Variants in SDK1 observed in about 807,000 individuals in gnomAD.
SDK1 encodes the protein sidekick cell adhesion molecule 1.
A neutral mutation model predicts 245.5 loss-of-function variants in SDK1; 157 were observed. The ratio of observed to expected loss-of-function variants is 0.64; its 90% CI spans 0.56 to 0.73. The LOEUF is 0.73. SDK1 is among the 30% of genes least tolerant of loss of function. SDK1 has a pLI of 0.00. For synonymous variants in SDK1, 1,647 were observed against 1,278.5 expected (o/e 1.29, Z -6.15); for missense variants, 3,583 against 3,002.3 (o/e 1.19, Z -4.52).
intron 4 of SDK1, among the ~76,000 whole-genome samples, chr7:3,738,293 A>C (rs1251363993): frequency 2.0e-5 from 3 of 152,336 alleles, no homozygotes; most frequent in African/African-American, 7.2e-5. Flanking sequence ...AATGCCATTT[A>C]CTAGAGACTG....
chr7:3,578,263 A>G (rs1780364540), intron 1 of SDK1, among the ~76,000 whole-genome samples: 1 of 151,994 alleles, frequency 6.6e-6, no homozygotes, highest in South Asian at 2.1e-4. Flanking sequence ...TAAGGATTTC[A>G]TTAAGGATTT....
intron 1 of SDK1, among the ~76,000 whole-genome samples, chr7:3,343,989 C>T (rs1286247722): frequency 2.1e-5 from 3 of 142,980 alleles, no homozygotes; most frequent in Non-Finnish European, 4.5e-5. Flanking sequence ...TGTACAGACA[C>T]TAAACCATAG....
At chr7:4,066,548 G>C (rs1482868943) in intron 19 of SDK1, among the ~76,000 whole-genome samples, 2 of 152,202 alleles carry the variant, frequency 1.3e-5, no homozygotes, top group East Asian at 3.9e-4. Flanking sequence ...GAAGGCACAT[G>C]GCAGGGCTTG....
At chr7:3,617,546 C>G (rs981420576) in intron 1 of SDK1, among the ~76,000 whole-genome samples, 1 of 152,128 alleles carries the variant, frequency 6.6e-6, no homozygotes, top group East Asian at 1.9e-4. Flanking sequence ...CTGGGTGATT[C>G]AAAAATGATG....
intron 1 of SDK1, among the ~76,000 whole-genome samples, chr7:3,581,232 T>G (rs1250089917): frequency 6.6e-6 from 1 of 152,126 alleles, no homozygotes; most frequent in Non-Finnish European, 1.5e-5. Context: ...GTATATCCAG[T>G]GTCTATAAGG....
intron 44 of SDK1, among the ~76,000 whole-genome samples, chr7:4,251,870 G>A (rs918789715): frequency 6.6e-6 from 1 of 152,136 alleles, no homozygotes; most frequent in African/African-American, 2.4e-5. Context: ...CCTTTATCTG[G>A]TTGAGTTTGG....
chr7:4,135,742 T>C (rs1439825680), intron 28 of SDK1, among the ~76,000 whole-genome samples: 1 of 152,222 alleles, frequency 6.6e-6, no homozygotes, highest in African/African-American at 2.4e-5. Context: ...CTTAGAACAG[T>C]GCCTGCCACA....
intron 5 of SDK1, among the ~76,000 whole-genome samples, chr7:3,900,389 A>G (rs1320841683): frequency 6.6e-6 from 1 of 152,132 alleles, no homozygotes; most frequent in Non-Finnish European, 1.5e-5. Flanking sequence ...TTTAGGTTTT[A>G]TCTGGTTTTT....
At chr7:3,347,173 A>G (rs1369326724) in intron 1 of SDK1, among the ~76,000 whole-genome samples, 1 of 151,784 alleles carries the variant, frequency 6.6e-6, no homozygotes, top group Non-Finnish European at 1.5e-5. Context: ...GTGGAGTTGT[A>G]CTTGATGCCA....
intron 1 of SDK1, among the ~76,000 whole-genome samples, chr7:3,324,650 TC>T (rs1779897887): frequency 1.3e-5 from 2 of 152,316 alleles, no homozygotes; most frequent in East Asian, 3.9e-4. Context: ...GGTTTTGCAC[TC>T]AAAGCAAAAG....
At chr7:4,182,355 TC>T (rs1349423154) in intron 35 of SDK1, among the ~76,000 whole-genome samples, 1 of 152,150 alleles carries the variant, frequency 6.6e-6, no homozygotes, top group Non-Finnish European at 1.5e-5. Context: ...CTAATGCTGC[TC>T]CTCCCCATTA....
intron 1 of SDK1, among the ~76,000 whole-genome samples, chr7:3,388,341 A>C (rs1781660752): frequency 6.7e-6 from 1 of 150,328 alleles, no homozygotes; most frequent in African/African-American, 2.5e-5. Flanking sequence ...TATGTGATTG[A>C]AGATTAAAAA....
intron 5 of SDK1, among the ~76,000 whole-genome samples, chr7:3,875,043 G>A (rs151139832): frequency 9.9e-5 from 15 of 152,222 alleles, no homozygotes; most frequent in African/African-American, 3.6e-4. Context: ...CTTTATACAC[G>A]CTCACTAGCC....
intron 22 of SDK1, among the ~76,000 whole-genome samples, chr7:4,107,881 A>C (rs993824522): frequency 6.6e-6 from 1 of 152,112 alleles, no homozygotes; most frequent in Non-Finnish European, 1.5e-5. Context: ...AGCTGTGCCG[A>C]TGTGTGACAA....
intron 1 of SDK1, among the ~76,000 whole-genome samples, chr7:3,364,063 TC>T (rs1370235858): frequency 6.6e-6 from 1 of 152,202 alleles, no homozygotes; most frequent in African/African-American, 2.4e-5. Context: ...CATTGTTTTT[TC>T]ATGTGCTTGT....
At chr7:3,334,437 A>G (rs185297320) in intron 1 of SDK1, among the ~76,000 whole-genome samples, 4 of 152,094 alleles carry the variant, frequency 2.6e-5, no homozygotes, top group East Asian at 3.9e-4. Flanking sequence ...GTCCCTTTCA[A>G]ATGACCACAG....
intron 1 of SDK1, among the ~76,000 whole-genome samples, chr7:3,587,357 T>C (rs1049790437): frequency 6.6e-6 from 1 of 151,782 alleles, no homozygotes; most frequent in African/African-American, 2.4e-5. Context: ...AGGTGTTGGC[T>C]TACGTGATTA....
At chr7:3,335,827 G>GT (rs960987038) in intron 1 of SDK1, among the ~76,000 whole-genome samples, 7 of 152,132 alleles carry the variant, frequency 4.6e-5, no homozygotes, top group African/African-American at 1.2e-4. Flanking sequence ...GAGATTTACT[G>GT]TCTTACCAAG....
At chr7:4,197,275 C>T (rs142836182) in intron 35 of SDK1, among the ~76,000 whole-genome samples, 9 of 146,840 alleles carry the variant, frequency 6.1e-5, no homozygotes, top group South Asian at 2.2e-4. Flanking sequence ...CCAGCCTGAG[C>T]AATGTAGCAA....
Sources: allele counts gnomAD v4.1 joint callset (sites outside exome capture counted in the v4.1 genomes callset), GRCh38; gene constraint gnomAD v4.1.1; transcripts MANE v1.5; gene names NCBI Gene and HGNC (gene_info 2026-07-23, HGNC 2026-07-21).